The following ADK variants were observed in gnomAD, a reference collection of about 807,000 sequenced individuals.
ADK encodes N6,N6-dimethyladenosine kinase.
ADK carries 24 observed loss-of-function variants against 44.7 expected under a neutral mutation model. The observed-to-expected ratio is 0.54, with a 90% CI of 0.39 to 0.76. ADK has a LOEUF of 0.76. Among genes scored for constraint, ADK ranks in the 30% least tolerant of loss-of-function variants. The pLI, the probability that ADK is intolerant of heterozygous loss-of-function variation, is 0.00. For synonymous variants in ADK, 128 were observed against 142.6 expected, an observed-to-expected ratio of 0.90 and a Z score of 0.73; for missense variants, 321 against 425.1, an observed-to-expected ratio of 0.76 and a Z score of 2.15.
rs151089310 is a variant in ADK, at chr10:74,607,346, T to C, written c.877+6853T>C. On this transcript the variant is annotated intron_variant, in intron 9 of 10. Transcript: ENST00000539909. ...AGTCTTGATGGTCTTTACAATTTGG[T>C]ATGTTTTTGCAGTGGCTGGTACCAG... is the stretch of plus-strand genomic sequence containing the variant. 1.3e-4 allele frequency among the ~76,000 whole-genome samples: 20 copies of C among 152,312 alleles called. No individual in the cohort carries two copies. In the East Asian group the frequency reaches 2.3e-3, roughly 18 times the overall value.
intron 4 of ADK, among the ~76,000 whole-genome samples, chr10:74,374,448 A>G (rs1842760484): frequency 6.6e-6 from 1 of 152,090 alleles, no homozygotes; most frequent in Admixed American, 6.5e-5. Flanking sequence ...AAAATGTCTT[A>G]TTTGTCAATA....
At chr10:74,670,081 T>A in intron 9 of ADK, 102 bp from the exon 10 acceptor site, 1 of 925,940 alleles carries the variant, frequency 1.1e-6, no homozygotes, top group Non-Finnish European at 1.8e-6. Context: ...CCTGTCTCTC[T>A]TTGAATGATG....
intron 6 of ADK, among the ~76,000 whole-genome samples, chr10:74,460,079 T>A (rs1846115720): frequency 6.6e-6 from 1 of 152,226 alleles, no homozygotes; most frequent in Admixed American, 6.5e-5. Flanking sequence ...AGCTTGTTTC[T>A]GTCTCTGGCT....
chr10:74,708,169 AAG>A, intron 10 of ADK, 150 bp from the exon 11 acceptor site: 6 of 788,790 alleles, frequency 7.6e-6, no homozygotes, highest in South Asian at 3.1e-5. Flanking sequence ...AAAAAAAAAA[AAG>A]ACCTCCCTAA....
intron 3 of ADK, among the ~76,000 whole-genome samples, chr10:74,231,450 C>T (rs1844759835): frequency 6.6e-6 from 1 of 151,786 alleles, no homozygotes; most frequent in African/African-American, 2.4e-5. Context: ...ATAAATGCCT[C>T]TCATGTAAGA....
Position 74,385,440 on chromosome 10 carries a change from G to T in ADK, c.274-8701G>T, listed in dbSNP as rs150761732. ...ATCATATCCAGAGAAAGTATATACG[G>T]TAAGAATTGTAGGTAACCTGGGAAT... On this transcript the variant is annotated intron_variant, in intron 4 of 10. Transcript: ENST00000539909. 5.4e-3 allele frequency among the ~76,000 whole-genome samples: 820 copies of T among 152,276 alleles called. 8 individuals carry two copies. Among genetic ancestry groups the T allele is most frequent in the African/African-American group, 0.018 (761 of 41,550 alleles).
At chr10:74,241,546 C>T (rs1462239062) in intron 3 of ADK, among the ~76,000 whole-genome samples, 3 of 151,254 alleles carry the variant, frequency 2.0e-5, no homozygotes, top group East Asian at 1.9e-4. Context: ...CTACCATGAC[C>T]GGCAAATTTT....
chr10:74,249,964 G>A (rs1460282583), intron 3 of ADK, among the ~76,000 whole-genome samples: 1 of 152,150 alleles, frequency 6.6e-6, no homozygotes, highest in Non-Finnish European at 1.5e-5. Context: ...GTAGAATTGA[G>A]CTTTAAATTT....
chr10:74,207,225 AG>A (rs1351894872), intron 2 of ADK, among the ~76,000 whole-genome samples: 1 of 152,174 alleles, frequency 6.6e-6, no homozygotes, highest in Admixed American at 6.5e-5. Context: ...GGTGCCCAGA[AG>A]CTTGGAGACA....
chr10:74,680,330 AAAATG>A (rs1470399722), intron 10 of ADK, among the ~76,000 whole-genome samples: 4 of 152,100 alleles, frequency 2.6e-5, no homozygotes, highest in African/African-American at 7.2e-5. Flanking sequence ...AAAAAAAAAA[AAAATG>A]ATGAGTACAG....
At chr10:74,185,520 A>ATT (rs1390517534) in intron 1 of ADK, among the ~76,000 whole-genome samples, 1 of 113,142 alleles carries the variant, frequency 8.8e-6, no homozygotes, top group African/African-American at 3.1e-5. Context: ...CCAACAATAT[A>ATT]ATTTTTTTTT....
intron 4 of ADK, among the ~76,000 whole-genome samples, chr10:74,344,014 G>C (rs1841674873): frequency 6.6e-6 from 1 of 152,138 alleles, no homozygotes; most frequent in Admixed American, 6.5e-5. Context: ...AACCAACCTT[G>C]CATTCCTGAG....
chr10:74,509,285 TG>T (rs2133503621), intron 6 of ADK: 1 of 151,852 alleles, frequency 6.6e-6, no homozygotes, highest in East Asian at 1.9e-4. Flanking sequence ...CTCCACCCCC[TG>T]GGTTCAAGCG....
At chr10:74,601,767 T>G (rs1360987108) in intron 9 of ADK, among the ~76,000 whole-genome samples, 1 of 151,768 alleles carries the variant, frequency 6.6e-6, no homozygotes, top group Non-Finnish European at 1.5e-5. Flanking sequence ...ATTGATATCC[T>G]TGCTAATCCT....
At chr10:74,678,357 G>A (rs1194823734) in intron 10 of ADK, among the ~76,000 whole-genome samples, 1 of 151,918 alleles carries the variant, frequency 6.6e-6, no homozygotes, top group East Asian at 1.9e-4. Flanking sequence ...GCCTTCGTTA[G>A]TTAAAAAAAT....
Position 74,180,208 on chromosome 10 carries a change from T to TTTATTA in ADK, c.66-20535_66-20530dup, listed in dbSNP as rs201127930. On this transcript the variant is annotated intron_variant, in intron 1 of 10. Coordinates refer to ENST00000539909, the MANE Select transcript of ADK (RefSeq NM_006721.4). ...ACTGAGCTTCCATTTCTCTTTTCTTTTTATTATTATTATTATTATTATTAT... is the reference window on the plus strand; with the variant it reads ...ACTGAGCTTCCATTTCTCTTTTCTTTTTATTATTATTATTATTATTATTATTATTAT... Among the ~76,000 whole-genome samples, 535 of 96,522 alleles carry TTTATTA rather than the reference T, an allele frequency of 5.5e-3. 3 individuals are homozygous for TTTATTA. The highest frequency in any genetic ancestry group is 0.019 in the Middle Eastern group (3 of 156). 63.3% of individuals were successfully genotyped at this position (96,522 alleles called of 152,430 possible). A position where few individuals can be genotyped will look rare whatever the true frequency, so the allele number is the denominator to read the frequency against.
At chr10:74,483,367 G>C (rs934325311) in intron 6 of ADK, among the ~76,000 whole-genome samples, 5 of 152,188 alleles carry the variant, frequency 3.3e-5, no homozygotes, top group African/African-American at 1.2e-4. Context: ...GCCTGGCCTA[G>C]GAAAGCACTC....
At chr10:74,475,791 AAAAG>A (rs1182664302) in intron 6 of ADK, among the ~76,000 whole-genome samples, 2 of 151,764 alleles carry the variant, frequency 1.3e-5, no homozygotes, top group East Asian at 1.9e-4. Flanking sequence ...AAAGAGAAAG[AAAAG>A]AAAGAAGAGA....
intron 9 of ADK, among the ~76,000 whole-genome samples, chr10:74,609,127 G>A (rs1466063156): frequency 6.6e-6 from 1 of 152,174 alleles, no homozygotes; most frequent in East Asian, 1.9e-4. Flanking sequence ...TCAGACTGCT[G>A]TGCTGGCAGC....
Sources: allele counts gnomAD v4.1 joint callset (sites outside exome capture counted in the v4.1 genomes callset), GRCh38; gene constraint gnomAD v4.1.1; transcripts MANE v1.5; gene names NCBI Gene and HGNC (gene_info 2026-07-23, HGNC 2026-07-21).